Variants in CENPL observed in about 807,000 individuals in gnomAD.
The protein encoded by CENPL is centromere protein L.
A neutral mutation model predicts 35.2 loss-of-function variants in CENPL; 20 were observed. That is an observed-to-expected ratio of 0.57 (90% CI 0.40 to 0.83). The LOEUF is 0.83. CENPL is among the 40% of genes least tolerant of loss of function. The pLI, the probability that CENPL is intolerant of heterozygous loss-of-function variation, is 0.00. For missense variants in CENPL, 363 were observed against 395.8 expected (o/e 0.92, Z 0.70); for synonymous variants, 140 against 140.6 (o/e 1.00, Z 0.03).
intron 2 of CENPL, 52 bp downstream of exon 2, chr1:173,823,862 TGACCACACAACA>T (rs1652259996): frequency 1.3e-5 from 2 of 152,162 alleles, no homozygotes; most frequent in African/African-American, 4.8e-5. Flanking sequence ...TGTAAGATAA[TGACCACACAACA>T]GGGCAAATAC....
At chr1:173,820,218 T>A (rs1651816510) in intron 2 of CENPL, among the ~76,000 whole-genome samples, 1 of 152,144 alleles carries the variant, frequency 6.6e-6, no homozygotes. Flanking sequence ...AAGATTCACG[T>A]TATGGGGCAT....
chr1:173,812,633 C>G (rs971541849), intron 2 of CENPL, among the ~76,000 whole-genome samples: 2 of 152,112 alleles, frequency 1.3e-5, no homozygotes, highest in African/African-American at 4.8e-5. Flanking sequence ...GCATCAACAT[C>G]AACAAAAAGG....
At chr1:173,808,822 G>A (rs1398387691) in intron 3 of CENPL, among the ~76,000 whole-genome samples, 1 of 152,042 alleles carries the variant, frequency 6.6e-6, no homozygotes, top group Admixed American at 6.6e-5. Flanking sequence ...TCAGGACATA[G>A]GTACAGGCAA....
At chr1:173,811,073 T>C (rs1571961871) in intron 3 of CENPL, 59 bp downstream of exon 3, 2 of 1,479,616 alleles carry the variant, frequency 1.4e-6, no homozygotes, top group Non-Finnish European at 1.9e-6. Flanking sequence ...AAAATTGAAA[T>C]GTTTTGTTCA....
intron 2 of CENPL, chr1:173,823,551 C>T (rs1192649662): frequency 1.3e-5 from 2 of 152,180 alleles, no homozygotes; most frequent in African/African-American, 4.8e-5. Flanking sequence ...ACCTTATCGC[C>T]AATTAAAAAC....
intron 2 of CENPL, among the ~76,000 whole-genome samples, chr1:173,818,457 T>G (rs1026582093): frequency 4.7e-4 from 72 of 152,348 alleles, no homozygotes; most frequent in African/African-American, 1.7e-3. Flanking sequence ...TTTCCTATCT[T>G]AAGCGTCCTT....
rs1649596960 is a variant in CENPL, at chr1:173,799,892, C to CA, written c.*555dup. 1 of 152,172 alleles carries CA rather than the reference C, an allele frequency of 6.6e-6. No individual in the cohort carries two copies. Among genetic ancestry groups the CA allele is most frequent in the Non-Finnish European group, 1.5e-5 (1 of 68,052 alleles). The allele number at this position is 152,172 out of a possible 1,614,324, so 9.4% of individuals were successfully genotyped here. ...TTTTTTATTTTTTGAGGCAGAGTCT[C>CA]ACTTTGTTGCCCAGGCTGGAGTGCA... On this transcript the variant is annotated 3_prime_UTR_variant, in exon 6 of 6. Coordinates refer to ENST00000682279, the MANE Select transcript of CENPL (RefSeq NM_001387287.1).
intron 2 of CENPL, among the ~76,000 whole-genome samples, chr1:173,812,659 C>T (rs1001726836): frequency 1.3e-5 from 2 of 152,186 alleles, no homozygotes; most frequent in Admixed American, 6.5e-5. Context: ...CACACCAAAA[C>T]CCCATCTGTA....
intron 3 of CENPL, among the ~76,000 whole-genome samples, chr1:173,810,082 T>C (rs1650660324): frequency 1.3e-5 from 2 of 152,200 alleles, no homozygotes; most frequent in Admixed American, 1.3e-4. Flanking sequence ...GCAGCACTAT[T>C]CACAATAGCA....
intron 2 of CENPL, among the ~76,000 whole-genome samples, chr1:173,812,833 T>C (rs186114642): frequency 1.3e-5 from 2 of 152,282 alleles, no homozygotes; most frequent in African/African-American, 4.8e-5. Context: ...TTTGATGAGT[T>C]GACAGAAGTA....
At chr1:173,804,310 G>C (rs1650021095) in intron 4 of CENPL, among the ~76,000 whole-genome samples, 1 of 152,194 alleles carries the variant, frequency 6.6e-6, no homozygotes. Flanking sequence ...TACAGGAAAA[G>C]TCCTTCAAAT....
Position 173,807,438 on chromosome 1 carries a change from G to A in CENPL, c.249C>T (p.Phe83=). ...AATACTCTTTGAGATTACTATAGGA[G>A]AATTTATATAAGGGAGTTAAACTAT... ...TLYSLTPLYK[F]SYSNLKEYSR... Residue 83 remains phenylalanine (F), a synonymous_variant, in exon 4 of 6, where the codon TTC becomes TTT. Transcript: ENST00000682279. The A allele has an allele frequency of 6.2e-7, 1 of 1,609,956 alleles. No individual in the cohort carries two copies. Among genetic ancestry groups the A allele is most frequent in the Non-Finnish European group, 8.5e-7 (1 of 1,177,130 alleles).
intron 5 of CENPL, among the ~76,000 whole-genome samples, chr1:173,801,424 G>A (rs2102558570): frequency 6.6e-6 from 1 of 151,596 alleles, no homozygotes; most frequent in African/African-American, 2.4e-5. Flanking sequence ...TGAGGCAGGA[G>A]AATTGCTTGA....
At chr1:173,809,802 A>C (rs1331824367) in intron 3 of CENPL, among the ~76,000 whole-genome samples, 7 of 152,218 alleles carry the variant, frequency 4.6e-5, no homozygotes, top group Admixed American at 4.6e-4. Context: ...ATTATTACAA[A>C]GTAAAAAAAC....
intron 2 of CENPL, among the ~76,000 whole-genome samples, chr1:173,819,313 G>C (rs1651711720): frequency 6.6e-6 from 1 of 152,132 alleles, no homozygotes; most frequent in Non-Finnish European, 1.5e-5. Context: ...GTCTCAGCTG[G>C]GCGTAGTGGC....
intron 3 of CENPL, 161 bp downstream of exon 3, chr1:173,810,971 A>C: frequency 2.0e-6 from 1 of 489,578 alleles, no homozygotes; most frequent in African/African-American, 2.0e-5. Flanking sequence ...AAAAGACATA[A>C]AGAGGTAGCA....
chr1:173,812,311 C>A (rs1316813891), intron 2 of CENPL, among the ~76,000 whole-genome samples: 1 of 152,234 alleles, frequency 6.6e-6, no homozygotes, highest in Non-Finnish European at 1.5e-5. Context: ...CTGAAGAGAG[C>A]AGTGGTTCTC....
rs2102554800 is a variant in CENPL at position 173,799,864 on chromosome 1, T to A, written c.*584A>T. ...TAAACGCTGTATTTATTTATTTTAT[T>A]TCTTTTTTATTTTTTGAGGCAGAGT... On this transcript the variant is annotated 3_prime_UTR_variant, in exon 6 of 6. Transcript: ENST00000682279. 6.6e-6 allele frequency: 1 copy of A among 152,354 alleles called. No individual in the cohort carries two copies. The highest frequency in any genetic ancestry group is 1.5e-5 in the Non-Finnish European group (1 of 68,058). The allele number at this position is 152,354 out of a possible 1,614,324, so 9.4% of individuals were successfully genotyped here.
chr1:173,807,740 T>C (rs1571959769), intron 3 of CENPL, among the ~76,000 whole-genome samples: 1 of 152,172 alleles, frequency 6.6e-6, no homozygotes, highest in East Asian at 1.9e-4. Flanking sequence ...ACATGGCAAG[T>C]TCCTTCACTT....
Sources: gnomAD v4.1 joint callset for allele counts (sites outside exome capture counted in the v4.1 genomes callset) on GRCh38, gnomAD v4.1.1 for gene constraint, MANE v1.5 for transcripts, NCBI Gene and HGNC (gene_info 2026-07-23, HGNC 2026-07-21) for gene names.